KCNK1: variants seen among roughly 807,000 people sequenced by gnomAD.
KCNK1 encodes potassium two pore domain channel subfamily K member 1, also known as potassium channel subfamily K member 1.
KCNK1 carries 10 observed loss-of-function variants against 22.2 expected under a neutral mutation model. The observed-to-expected ratio is 0.45, with a 90% CI of 0.28 to 0.76. The LOEUF is 0.76. KCNK1 is among the 30% of genes least tolerant of loss of function. KCNK1 has a pLI of 0.14. For synonymous variants in KCNK1, 200 were observed against 186.4 expected (o/e 1.07, Z -0.60); for missense variants, 378 against 421.0 (o/e 0.90, Z 0.89).
At chr1:233,644,450 C>A (rs907228369) in intron 1 of KCNK1, among the ~76,000 whole-genome samples, 1 of 152,200 alleles carries the variant, frequency 6.6e-6, no homozygotes, top group African/African-American at 2.4e-5. Flanking sequence ...TTCCCTGTCC[C>A]CATTTTAGTT....
chr1:233,668,226 C>T (rs1041339943), intron 2 of KCNK1, among the ~76,000 whole-genome samples: 2 of 152,120 alleles, frequency 1.3e-5, no homozygotes, highest in African/African-American at 4.8e-5. Context: ...GCTCAGGTCA[C>T]GTTTTCTAGC....
chr1:233,662,238 CCTTCTTCTTCTTCTTCTT>C (rs147341553), intron 1 of KCNK1, among the ~76,000 whole-genome samples: 4 of 149,460 alleles, frequency 2.7e-5, no homozygotes, highest in Admixed American at 1.3e-4. Context: ...TTCTTCTTCT[CCTTCTTCTTCTTCTTCTT>C]CTTCTTCTTC....
At chr1:233,652,542 T>C (rs1658220405) in intron 1 of KCNK1, among the ~76,000 whole-genome samples, 2 of 152,230 alleles carry the variant, frequency 1.3e-5, no homozygotes, top group African/African-American at 4.8e-5. Flanking sequence ...AAGCATAACA[T>C]ACCGAATGCT....
intron 1 of KCNK1, among the ~76,000 whole-genome samples, chr1:233,625,009 C>T (rs1216902110): frequency 6.6e-6 from 1 of 152,194 alleles, no homozygotes. Flanking sequence ...CACTGAAAAT[C>T]ACCTGATAAA....
intron 2 of KCNK1, among the ~76,000 whole-genome samples, chr1:233,667,534 T>C (rs1436295973): frequency 6.6e-6 from 1 of 151,652 alleles, no homozygotes; most frequent in Non-Finnish European, 1.5e-5. Context: ...ATCGAGACCA[T>C]CCTGGCTAAC....
In KCNK1 at chr1:233,671,316, C is replaced by A. The variant is rs1658592566; in HGVS notation, c.797C>A (p.Thr266Asn). Reference sequence around the variant, plus strand: ...ATTGCCATGTTGGTAGTTCTGGAAACCTTCTGTGAACTCCATGAGCTGAAA... The same window carrying A: ...ATTGCCATGTTGGTAGTTCTGGAAAACTTCTGTGAACTCCATGAGCTGAAA... ...GLIAMLVVLE[T>N]FCELHELKKF... The change falls in exon 3 of 3, where the codon ACC becomes AAC. Residue 266 changes from threonine (T) to asparagine (N), a missense_variant. Thr to Asn is a moderately conservative substitution (Grantham distance 65, BLOSUM62 0). Transcript: ENST00000366621. 1 of 1,613,994 alleles carries A rather than the reference C, an allele frequency of 6.2e-7. No individual in the cohort carries two copies. Among genetic ancestry groups the A allele is most frequent in the Non-Finnish European group, 8.5e-7 (1 of 1,179,988 alleles).
chr1:233,629,099 T>C (rs577683487), intron 1 of KCNK1, among the ~76,000 whole-genome samples: 40 of 152,248 alleles, frequency 2.6e-4, no homozygotes, highest in African/African-American at 8.7e-4. Flanking sequence ...TGGGGATGCA[T>C]TAAAAAATAC....
chr1:233,636,755 TCCC>T (rs1657904464), intron 1 of KCNK1, among the ~76,000 whole-genome samples: 1 of 151,826 alleles, frequency 6.6e-6, no homozygotes, highest in African/African-American at 2.4e-5. Flanking sequence ...AAACAGGTGA[TCCC>T]TCTAGGACAA....
intron 1 of KCNK1, among the ~76,000 whole-genome samples, chr1:233,638,922 T>A (rs1657958205): frequency 1.3e-5 from 2 of 152,166 alleles, no homozygotes; most frequent in Admixed American, 1.3e-4. Flanking sequence ...TCCCACTACC[T>A]CGGGGTAAAT....
chr1:233,619,917 AGGGGGGCGGGGGGGC>A (rs1657550503), intron 1 of KCNK1, among the ~76,000 whole-genome samples: 1 of 698 alleles, frequency 1.4e-3, no homozygotes, highest in African/African-American at 6.6e-3. Flanking sequence ...CGTCTAAGCG[AGGGGGGCGGGGGGGC>A]GGGGGGGCAG....
chr1:233,631,830 T>C (rs1484633978), intron 1 of KCNK1, among the ~76,000 whole-genome samples: 9 of 152,098 alleles, frequency 5.9e-5, no homozygotes, highest in Non-Finnish European at 1.2e-4. Context: ...AGCAAGTAAT[T>C]CTCCTTTTCC....
chr1:233,665,348 C>T (rs981931277), intron 1 of KCNK1, among the ~76,000 whole-genome samples: 7 of 152,174 alleles, frequency 4.6e-5, no homozygotes. Context: ...GATGCTATTT[C>T]AGTCACAAAA....
chr1:233,622,650 G>A lies in KCNK1; in HGVS notation c.355+8124G>A, dbSNP rs545572084. ...CCCGATCTGAGGCTGAATGGAGGAA[G>A]AAAGAGAATAGGGAGTTGGAGATGT... On this transcript the variant is annotated intron_variant, in intron 1 of 2. Transcript: ENST00000366621. Among the ~76,000 whole-genome samples, 19 of 152,308 alleles carry A rather than the reference G, an allele frequency of 1.2e-4. No homozygotes were observed. In the South Asian group the frequency reaches 3.9e-3, roughly 32 times the overall value.
At chr1:233,660,262 A>C (rs1658368513) in intron 1 of KCNK1, among the ~76,000 whole-genome samples, 1 of 152,182 alleles carries the variant, frequency 6.6e-6, no homozygotes, top group Admixed American at 6.5e-5. Flanking sequence ...ATCCTATCTT[A>C]CTTAGCTGGT....
At chr1:233,665,197 A>T (rs564498483) in intron 1 of KCNK1, among the ~76,000 whole-genome samples, 1 of 152,194 alleles carries the variant, frequency 6.6e-6, no homozygotes, top group Non-Finnish European at 1.5e-5. Flanking sequence ...GGGTGGGGGA[A>T]ATGTGTCAGT....
rs1261653338 is a variant in KCNK1, at chr1:233,671,407, T to C, written c.888T>C (p.His296=). The C allele has an allele frequency of 6.2e-7, 1 of 1,614,204 alleles. No homozygotes were observed. The highest frequency in any genetic ancestry group is 1.1e-5 in the South Asian group (1 of 91,084). ...AGGATCAGGTGCACATCATAGAGCA[T>C]GACCAACTGTCCTTCTCCTCGATCA... ...KDEDQVHIIE[H]DQLSFSSITD... is the part of the protein sequence containing the mutation. The change falls in exon 3 of 3, where the codon CAT becomes CAC. Residue 296 remains histidine (H), a synonymous_variant. Coordinates refer to ENST00000366621, the MANE Select transcript of KCNK1 (RefSeq NM_002245.4).
At chr1:233,637,968 T>C (rs1252047061) in intron 1 of KCNK1, among the ~76,000 whole-genome samples, 1 of 150,066 alleles carries the variant, frequency 6.7e-6, no homozygotes, top group African/African-American at 2.4e-5. Context: ...TAGAAATGAA[T>C]GCTTGACAAT....
chr1:233,621,286 C>T (rs967385710), intron 1 of KCNK1, among the ~76,000 whole-genome samples: 2 of 152,210 alleles, frequency 1.3e-5, no homozygotes, highest in South Asian at 4.1e-4. Context: ...CTTGCAGACA[C>T]ATTGATCTTG....
intron 1 of KCNK1, among the ~76,000 whole-genome samples, chr1:233,642,225 T>C (rs1200691918): frequency 6.6e-6 from 1 of 152,230 alleles, no homozygotes; most frequent in Admixed American, 6.5e-5. Flanking sequence ...ATGAGATGCC[T>C]GCTCAGCTGC....
Sources: gnomAD v4.1 joint callset for allele counts (sites outside exome capture counted in the v4.1 genomes callset) on GRCh38, gnomAD v4.1.1 for gene constraint, MANE v1.5 for transcripts, NCBI Gene and HGNC (gene_info 2026-07-23, HGNC 2026-07-21) for gene names.